ADCY10: variants seen among roughly 807,000 people sequenced by gnomAD.
ADCY10 encodes adenylate cyclase 10.
ADCY10 carries 156 observed loss-of-function variants against 183.3 expected under a neutral mutation model. That is an observed-to-expected ratio of 0.85 (90% CI 0.75 to 0.97). The LOEUF is 0.97. Ranked by LOEUF, ADCY10 falls within the 50% of genes least tolerant of loss-of-function variation. The pLI, the probability that ADCY10 is intolerant of heterozygous loss-of-function variation, is 0.00. For missense variants in ADCY10, 1,745 were observed against 1,934.3 expected (o/e 0.90, Z 1.84); for synonymous variants, 645 against 670.0 (o/e 0.96, Z 0.58).
chr1:167,834,561 C>T (rs1664049015), intron 23 of ADCY10: 1 of 246,174 alleles, frequency 4.1e-6, no homozygotes, highest in South Asian at 5.8e-5. Flanking sequence ...GGAAGTAAGT[C>T]CCTGCACAAC....
In ADCY10 at chr1:167,832,998, G is replaced by T; in HGVS notation, c.3582C>A (p.Ser1194Arg). 2 of 1,613,810 alleles carry T rather than the reference G, an allele frequency of 1.2e-6. No individual in the cohort carries two copies. Among genetic ancestry groups the T allele is most frequent in the Non-Finnish European group, 1.7e-6 (2 of 1,179,862 alleles). ...FHYVNRQAQE[S>R]PPPGKKRLAQ... ...GCTCCTTCCCTTACCCTGGAGGTGG[G>T]CTCTCTTGGGCCTGCCGATTCACAT... is the stretch of plus-strand genomic sequence containing the variant. Residue 1194 changes from serine (S) to arginine (R), a missense_variant, in exon 25 of 33, where the codon AGC becomes AGA. By Grantham distance (110) the Ser-to-Arg change is moderately radical. Transcript: ENST00000367851.
intron 21 of ADCY10, among the ~76,000 whole-genome samples, chr1:167,839,845 G>A (rs1260899835): frequency 2.6e-5 from 4 of 152,198 alleles, no homozygotes; most frequent in South Asian, 2.1e-4. Flanking sequence ...TTGCATAAAC[G>A]CACGTTTGTT....
At chr1:167,898,805 G>C (rs1206791935) in intron 6 of ADCY10, among the ~76,000 whole-genome samples, 1 of 152,032 alleles carries the variant, frequency 6.6e-6, no homozygotes. Flanking sequence ...TCTTTCTGCC[G>C]CGTAGTCCCA....
At chr1:167,856,715 T>C (rs749437894) in intron 16 of ADCY10, among the ~76,000 whole-genome samples, 3 of 152,246 alleles carry the variant, frequency 2.0e-5, no homozygotes, top group Non-Finnish European at 2.9e-5. Flanking sequence ...GATGGAGTTT[T>C]AGGGGTACCC....
intron 29 of ADCY10, among the ~76,000 whole-genome samples, chr1:167,822,461 T>C (rs1310681117): frequency 6.6e-6 from 1 of 152,224 alleles, no homozygotes; most frequent in Non-Finnish European, 1.5e-5. Context: ...CCTTTGTTGA[T>C]GGCAATGTCT....
At chr1:167,815,614 T>G (rs1662486084) in intron 31 of ADCY10, among the ~76,000 whole-genome samples, 1 of 152,204 alleles carries the variant, frequency 6.6e-6, no homozygotes, top group African/African-American at 2.4e-5. Context: ...TCTTTTTACC[T>G]GATACATCAT....
rs750402006 is a variant in ADCY10, at chr1:167,833,965, C to T, written c.3417+5G>A. 6.2e-7 allele frequency: 1 copy of T among 1,610,560 alleles called. No homozygotes were observed. The highest frequency in any genetic ancestry group is 1.1e-5 in the South Asian group (1 of 90,992). ...GATAAATTCAAGTCTTTAATGGTTTCTTACCTCACCTTTGAGGCTGTAAAA... is the reference window on the plus strand; with the variant it reads ...GATAAATTCAAGTCTTTAATGGTTTTTTACCTCACCTTTGAGGCTGTAAAA... On this transcript the variant is annotated splice_donor_5th_base_variant and intron_variant, in intron 24 of 32. Coordinates refer to ENST00000367851, the MANE Select transcript of ADCY10 (RefSeq NM_018417.6).
At chr1:167,819,751 G>A (rs549565864) in intron 30 of ADCY10, 2 of 369,144 alleles carry the variant, frequency 5.4e-6, no homozygotes, top group South Asian at 3.3e-5. Context: ...TTTTAGTAGA[G>A]ATGGGGTTTC....
At chr1:167,877,923 G>A (rs1188903859) in intron 12 of ADCY10, among the ~76,000 whole-genome samples, 1 of 152,162 alleles carries the variant, frequency 6.6e-6, no homozygotes, top group Non-Finnish European at 1.5e-5. Context: ...GTGGTACCTT[G>A]TATGTCACTG....
intron 14 of ADCY10, among the ~76,000 whole-genome samples, chr1:167,862,518 G>A (rs1186546766): frequency 6.6e-6 from 1 of 152,146 alleles, no homozygotes; most frequent in Non-Finnish European, 1.5e-5. Context: ...GAGAAGAAAA[G>A]ATGCCTTGAT....
intron 8 of ADCY10, among the ~76,000 whole-genome samples, chr1:167,891,262 T>C (rs1463717231): frequency 6.6e-6 from 1 of 151,588 alleles, no homozygotes; most frequent in Non-Finnish European, 1.5e-5. Context: ...GCTTGGCTCA[T>C]CTAACATTTA....
chr1:167,813,614 A>G (rs1291993770), intron 31 of ADCY10, among the ~76,000 whole-genome samples: 1 of 152,334 alleles, frequency 6.6e-6, no homozygotes, highest in Non-Finnish European at 1.5e-5. Context: ...AAAGATCTCA[A>G]CAAAGGTAAA....
At position 167,810,736 on chromosome 1, in the gene ADCY10, T is replaced by C. The variant is rs1378642775; in HGVS notation, c.4660A>G (p.Asn1554Asp). ...QGNILEKCWL[N>D]MNKESWYSTS... Reference sequence around the variant, plus strand: ...CTGATGATACATACTTTGTTCATGTTCAGCCAGCATTTCTCCAGTATATTC... The same window carrying C: ...CTGATGATACATACTTTGTTCATGTCCAGCCAGCATTTCTCCAGTATATTC... The change falls in exon 32 of 33, where the codon AAC becomes GAC. Residue 1554 changes from asparagine to aspartate, a missense_variant. Transcript: ENST00000367851. 1 of 1,614,224 alleles carries C rather than the reference T, an allele frequency of 6.2e-7. No homozygotes were observed. Among genetic ancestry groups the C allele is most frequent in the Non-Finnish European group, 8.5e-7 (1 of 1,180,032 alleles).
At chr1:167,861,086 A>G (rs1666251001) in intron 14 of ADCY10, 23 bp from the exon 15 acceptor site, 1 of 1,597,896 alleles carries the variant, frequency 6.3e-7, no homozygotes, top group African/African-American at 1.3e-5. Context: ...AAATCAAGAA[A>G]CAGAAGAGAG....
chr1:167,853,424 G>T (rs545552350), intron 18 of ADCY10, among the ~76,000 whole-genome samples: 4 of 152,194 alleles, frequency 2.6e-5, no homozygotes, highest in Admixed American at 6.5e-5. Flanking sequence ...CGTGGCAGTG[G>T]GTCCCATGGC....
chr1:167,815,351 CTA>C (rs1352809345), intron 31 of ADCY10, among the ~76,000 whole-genome samples: 5 of 152,174 alleles, frequency 3.3e-5, no homozygotes, highest in Non-Finnish European at 7.3e-5. Context: ...TCAGGAGAAA[CTA>C]TGTAACCAGA....
At chr1:167,854,754 A>C (rs549090265) in intron 17 of ADCY10, among the ~76,000 whole-genome samples, 6 of 152,310 alleles carry the variant, frequency 3.9e-5, no homozygotes, top group African/African-American at 1.4e-4. Context: ...TACCTATAGG[A>C]TAAGGGAGGG....
chr1:167,884,083 A>T (rs1668056066), intron 8 of ADCY10, among the ~76,000 whole-genome samples: 1 of 152,210 alleles, frequency 6.6e-6, no homozygotes, highest in Non-Finnish European at 1.5e-5. Flanking sequence ...CCCCTCAAGC[A>T]TTTATCCTTT....
chr1:167,853,453 CA>C (rs1175303157), intron 18 of ADCY10, among the ~76,000 whole-genome samples: 1 of 152,122 alleles, frequency 6.6e-6, no homozygotes, highest in Non-Finnish European at 1.5e-5. Context: ...CTTTTTGCCT[CA>C]CATGTTCAAG....
Sources: gnomAD v4.1 joint callset for allele counts (sites outside exome capture counted in the v4.1 genomes callset) on GRCh38, gnomAD v4.1.1 for gene constraint, MANE v1.5 for transcripts, NCBI Gene and HGNC (gene_info 2026-07-23, HGNC 2026-07-21) for gene names.